Variants in ATAD3B observed in about 807,000 individuals in gnomAD.
ATAD3B encodes ATPase family AAA domain containing 3B.
In ATAD3B, 59 loss-of-function variants were observed where a neutral mutation model predicts 70.2. The observed-to-expected ratio is 0.84, with a 90% confidence interval of 0.68 to 1.04. The LOEUF (loss-of-function observed/expected upper bound fraction) is 1.04, where lower values mean the gene tolerates loss of function less well. Among genes scored for constraint, ATAD3B ranks in the 50% least tolerant of loss-of-function variants. The pLI is 0.00. For synonymous variants in ATAD3B, 423 were observed against 388.6 expected (o/e 1.09, Z -1.04); for missense variants, 961 against 913.4 (o/e 1.05, Z -0.67).
rs755022080 is a variant in ATAD3B at position 1,495,684 on chromosome 1, C to T, written c.1814C>T (p.Pro605Leu). ...SWSLATDPSYPCLAGPCTFRI... is the reference protein window; with the variant it reads ...SWSLATDPSYLCLAGPCTFRI... ...AGCCTGGCCACGGACCCCTCCTACC[C>T]CTGCCTTGCCGGCCCCTGCACATTT... The change falls in exon 16 of 16, where the codon CCC becomes CTC. Residue 605 changes from proline to leucine, a missense_variant. This residue lies in a region of ATAD3B where 417 missense variants were observed against 335.0 expected (regional missense o/e 1.24). Coordinates refer to ENST00000673477, the MANE Select transcript of ATAD3B (RefSeq NM_031921.6). 2 of 1,613,038 alleles carry T rather than the reference C, an allele frequency of 1.2e-6. No homozygotes were observed. Among genetic ancestry groups the T allele is most frequent in the Non-Finnish European group, 1.7e-6 (2 of 1,179,388 alleles).
intron 15 of ATAD3B, among the ~76,000 whole-genome samples, chr1:1,493,586 G>A (rs1396703172): frequency 6.6e-6 from 1 of 151,692 alleles, no homozygotes; most frequent in African/African-American, 2.4e-5. Context: ...CAAAGTGCTG[G>A]GATTACAGGT....
intron 15 of ATAD3B, among the ~76,000 whole-genome samples, chr1:1,494,812 G>A (rs1458596680): frequency 1.3e-5 from 2 of 152,036 alleles, no homozygotes; most frequent in Non-Finnish European, 2.9e-5. Context: ...CCTGAGCACG[G>A]CACCTAGTGG....
intron 1 of ATAD3B, among the ~76,000 whole-genome samples, chr1:1,474,514 T>C (rs1353930847): frequency 1.3e-5 from 2 of 150,938 alleles, no homozygotes; most frequent in African/African-American, 4.9e-5. Context: ...TTCTGTGTGT[T>C]TTTGAGACTG....
chr1:1,507,154 T>A, the ATAD3B span, among the ~76,000 whole-genome samples: 27 of 152,292 alleles, frequency 1.8e-4, no homozygotes, highest in South Asian at 4.1e-4. Flanking sequence ...TACCTCTCCC[T>A]TTTCAGTTTG....
At chr1:1,485,599 T>TG (rs1266297028) in intron 8 of ATAD3B, among the ~76,000 whole-genome samples, 183 bp from the exon 9 acceptor site, 1 of 152,002 alleles carries the variant, frequency 6.6e-6, no homozygotes, top group Non-Finnish European at 1.5e-5. Flanking sequence ...AACCGGAAAA[T>TG]GCCCCTAATC....
At chr1:1,503,658 C>G in the ATAD3B span, 1 of 1,611,732 alleles carries the variant, frequency 6.2e-7, no homozygotes, top group East Asian at 2.2e-5. Flanking sequence ...AGTCCAAGCT[C>G]AAAGTGAGTG....
downstream of ATAD3B, among the ~76,000 whole-genome samples, chr1:1,501,520 G>A (rs1230872823): frequency 1.3e-5 from 2 of 152,150 alleles, no homozygotes; most frequent in East Asian, 1.9e-4. Flanking sequence ...CTCCCAAAGT[G>A]CTGGAATTAC....
intron 15 of ATAD3B, 67 bp downstream of exon 15, chr1:1,490,738 C>G (rs750541941): frequency 1.3e-6 from 2 of 1,530,826 alleles, no homozygotes; most frequent in Middle Eastern, 1.8e-4. Flanking sequence ...TCAGTTGCGC[C>G]AGGCCTGTCC....
In ATAD3B at chr1:1,472,336, A is replaced by G. The variant is rs1185383853; in HGVS notation, c.205+247A>G. Among the ~76,000 whole-genome samples the G allele has an allele frequency of 3.3e-5, 5 of 151,776 alleles. 1 individual carries two copies. The highest frequency in any genetic ancestry group is 2.6e-4 in the Admixed American group (4 of 15,242). Reference sequence around the variant, plus strand: ...GAAAAGCGGTGCGGAGGTGGCGCTCATAGGTTACAGGGGTCAGGGTCTGGG... The same window carrying G: ...GAAAAGCGGTGCGGAGGTGGCGCTCGTAGGTTACAGGGGTCAGGGTCTGGG... On this transcript the variant is annotated intron_variant, in intron 1 of 15. Transcript: ENST00000673477.
Position 1,480,857 on chromosome 1 carries a change from T to G in ATAD3B, c.445-10T>G. On this transcript the variant is annotated splice_polypyrimidine_tract_variant and intron_variant, in intron 4 of 15. Coordinates refer to ENST00000673477, the MANE Select transcript of ATAD3B (RefSeq NM_031921.6). ...AAAGGCTTTTCTCTTTTTCTGCGGC[T>G]TCTTCTCAGCAACTTCTCAATGAGG... 2.0e-6 allele frequency: 3 copies of G among 1,535,100 alleles called. No individual in the cohort carries two copies. The highest frequency in any genetic ancestry group is 2.6e-6 in the Non-Finnish European group (3 of 1,135,944).
intron 8 of ATAD3B, among the ~76,000 whole-genome samples, chr1:1,485,579 G>A (rs1640162344): frequency 6.6e-6 from 1 of 152,118 alleles, no homozygotes; most frequent in Non-Finnish European, 1.5e-5. Context: ...GAAAATAAAA[G>A]CCAATAAGGA....
At position 1,486,190 on chromosome 1, in the gene ATAD3B, C is replaced by T; in HGVS notation, c.1044C>T (p.Ile348=). 1 of 1,613,224 alleles carries T rather than the reference C, an allele frequency of 6.2e-7. No homozygotes were observed. Among genetic ancestry groups the T allele is most frequent in the Non-Finnish European group, 8.5e-7 (1 of 1,179,650 alleles). The change falls in exon 10 of 16, where the codon ATC becomes ATT. Residue 348 remains isoleucine, a synonymous_variant. Transcript: ENST00000673477. ...AGAACCGGGGCCTGTACAGGCACAT[C>T]CTGCTGTATGGGCCACCAGGCACCG... ...TKKNRGLYRH[I]LLYGPPGTGK... is the part of the protein sequence containing the mutation.
In ATAD3B at chr1:1,497,179, TTC is replaced by T. The variant is rs1204040000; in HGVS notation, c.*1370_*1371del. On this transcript the variant is annotated 3_prime_UTR_variant, in exon 16 of 16. Transcript: ENST00000673477. ...GTCTACCTCTGCTCGCTCTCTCCAT[TTC>T]TCTCTCTACCTCTGCTCGCTCTCTC... The T allele has an allele frequency of 6.6e-6, 1 of 151,048 alleles. No individual in the cohort carries two copies. The highest frequency in any genetic ancestry group is 2.5e-5 in the African/African-American group (1 of 40,252). 9.4% of individuals were successfully genotyped at this position (151,048 alleles called of 1,614,324 possible). A position where few individuals can be genotyped will look rare whatever the true frequency, so the allele number is the denominator to read the frequency against.
the ATAD3B span, chr1:1,509,058 C>T: frequency 1.4e-6 from 2 of 1,382,656 alleles, no homozygotes; most frequent in South Asian, 2.9e-5. Context: ...ACGTGCTGGG[C>T]TCTGCCGAGG....
At position 1,482,179 on chromosome 1, in the gene ATAD3B, ATGC is replaced by A; in HGVS notation, c.560_562del (p.Leu187del). ...GATGGAGCTGCGGCACAAGAATGAG[ATGC>A]TGCGAGTGGAGACCGAGGCCCGGGC... On this transcript the variant is annotated inframe_deletion, in exon 6 of 16. Transcript: ENST00000673477. The A allele has an allele frequency of 6.2e-7, 1 of 1,610,790 alleles. No homozygotes were observed.
intron 15 of ATAD3B, 47 bp from the exon 16 acceptor site, chr1:1,495,438 G>T (rs534162066): frequency 1.9e-6 from 3 of 1,555,324 alleles, no homozygotes; most frequent in African/African-American, 2.7e-5. Context: ...CATTAAGGGT[G>T]GCGGGTTCCC....
chr1:1,493,558 C>T (rs957616889), intron 15 of ATAD3B, among the ~76,000 whole-genome samples: 6 of 151,918 alleles, frequency 3.9e-5, no homozygotes, highest in Admixed American at 2.0e-4. Context: ...GTCAGGTGAC[C>T]TGCCCACCTC....
At chr1:1,476,841 C>G (rs1421558321) in intron 1 of ATAD3B, among the ~76,000 whole-genome samples, 1 of 151,508 alleles carries the variant, frequency 6.6e-6, no homozygotes, top group East Asian at 1.9e-4. Context: ...GAGTTGCGCT[C>G]TGTTGCCCCG....
chr1:1,482,465 G>C lies in ATAD3B; in HGVS notation c.681-80G>C. The C allele has an allele frequency of 2.5e-6, 4 of 1,609,902 alleles. No homozygotes were observed. In the South Asian group the frequency reaches 4.4e-5, roughly 18 times the overall value. ...CTGGCAAGGCCGTGCCGCCATGTCA[G>C]GGCCTCACCCTCAACCTGCTCTCGC... On this transcript the variant is annotated intron_variant, in intron 6 of 15. Transcript: ENST00000673477.
Sources: gnomAD v4.1 joint callset for allele counts (sites outside exome capture counted in the v4.1 genomes callset) on GRCh38, gnomAD v4.1.1 for gene constraint, gnomAD v4.1.1 regional missense constraint, MANE v1.5 for transcripts, NCBI Gene and HGNC (gene_info 2026-07-23, HGNC 2026-07-21) for gene names.